Variants in PIK3C2G observed in about 807,000 individuals in gnomAD.
PIK3C2G encodes the protein phosphatidylinositol-4-phosphate 3-kinase catalytic subunit type 2 gamma.
PIK3C2G carries 168 observed loss-of-function variants against 181.1 expected under a neutral mutation model. The ratio of observed to expected loss-of-function variants is 0.93; its 90% confidence interval spans 0.82 to 1.05. The LOEUF (loss-of-function observed/expected upper bound fraction) is 1.05, where lower values mean the gene tolerates loss of function less well. Among genes scored for constraint, PIK3C2G ranks in the 50% least tolerant of loss-of-function variants. The pLI is 0.00. For synonymous variants in PIK3C2G, 573 were observed against 592.2 expected (o/e 0.97, Z 0.47); for missense variants, 1,869 against 1,732.8 (o/e 1.08, Z -1.40).
intron 31 of PIK3C2G, among the ~76,000 whole-genome samples, chr12:18,639,250 A>G (rs1949738719): frequency 6.6e-6 from 1 of 152,138 alleles, no homozygotes; most frequent in Non-Finnish European, 1.5e-5. Context: ...ATTTAGTCCT[A>G]TAATAATATA....
chr12:18,585,745 A>AT (rs908594805), intron 29 of PIK3C2G, among the ~76,000 whole-genome samples: 2 of 152,198 alleles, frequency 1.3e-5, no homozygotes, highest in African/African-American at 4.8e-5. Flanking sequence ...CAGAACATAC[A>AT]TTTTTCTTAT....
the PIK3C2G span, chr12:18,693,230 G>T: frequency 1.9e-6 from 3 of 1,560,866 alleles, no homozygotes; most frequent in South Asian, 2.2e-5. Flanking sequence ...GCTCGGTCAG[G>T]CTCAACCACA....
rs765563747 is a variant in PIK3C2G at position 18,381,829 on chromosome 12, G to C, written c.1944G>C (p.Met648Ile). ...MTLQSEPPVE[M>I]ITPGVWDVSQ... ...TACAGAGTGAGCCTCCCGTAGAAAT[G>C]ATAACTCCAGGAGTGTGGGATGTAA... Residue 648 changes from methionine (M) to isoleucine (I), a missense_variant, in exon 14 of 33, where the codon ATG becomes ATC. Transcript: ENST00000538779. The C allele has an allele frequency of 2.1e-5, 34 of 1,613,844 alleles. No homozygotes were observed. Among genetic ancestry groups the C allele is most frequent in the Non-Finnish European group, 2.7e-5 (32 of 1,179,738 alleles).
At chr12:18,611,933 C>T (rs559051374) in intron 31 of PIK3C2G, among the ~76,000 whole-genome samples, 54 of 152,224 alleles carry the variant, frequency 3.5e-4, no homozygotes, top group South Asian at 1.7e-3. Context: ...TTTAATCTAG[C>T]AGCCTGAATG....
chr12:18,648,130 C>A lies in PIK3C2G; in HGVS notation c.*102C>A. The A allele has an allele frequency of 1.6e-6, 1 of 611,070 alleles. No homozygotes were observed. Among genetic ancestry groups the A allele is most frequent in the Non-Finnish European group, 2.6e-6 (1 of 378,372 alleles). 37.9% of individuals were successfully genotyped at this position (611,070 alleles called of 1,614,324 possible). On this transcript the variant is annotated 3_prime_UTR_variant, in exon 33 of 33. Coordinates refer to ENST00000538779, the MANE Select transcript of PIK3C2G (RefSeq NM_001288772.2). ...AAGGCATCTTTGTTGTCAAAGACAGCACAGGGTATTAAGGACACAGAAAAA... is the reference window on the plus strand; with the variant it reads ...AAGGCATCTTTGTTGTCAAAGACAGAACAGGGTATTAAGGACACAGAAAAA...
chr12:18,373,156 G>A (rs914689951), intron 13 of PIK3C2G, among the ~76,000 whole-genome samples: 5 of 152,194 alleles, frequency 3.3e-5, no homozygotes, highest in African/African-American at 1.2e-4. Context: ...ACTCCACTTT[G>A]TTCGTTGCTT....
intron 31 of PIK3C2G, among the ~76,000 whole-genome samples, chr12:18,623,312 ATCG>A (rs1419420782): frequency 1.3e-5 from 2 of 151,768 alleles, no homozygotes; most frequent in African/African-American, 4.8e-5. Flanking sequence ...TCCTTTTCTC[ATCG>A]TATGTTATTG....
At chr12:18,686,872 T>C in the PIK3C2G span, among the ~76,000 whole-genome samples, 21 of 152,092 alleles carry the variant, frequency 1.4e-4, no homozygotes, top group Admixed American at 7.2e-4. Flanking sequence ...ATGAACCAAA[T>C]TGAATTTCTG....
chr12:18,584,700 C>T (rs1022942424), intron 29 of PIK3C2G, among the ~76,000 whole-genome samples: 1 of 152,018 alleles, frequency 6.6e-6, no homozygotes, highest in Non-Finnish European at 1.5e-5. Context: ...AGGACCCCTG[C>T]AAGATTCTAC....
At chr12:18,401,333 T>A (rs1944239920) in intron 16 of PIK3C2G, among the ~76,000 whole-genome samples, 1 of 152,178 alleles carries the variant, frequency 6.6e-6, no homozygotes, top group African/African-American at 2.4e-5. Context: ...TAACAATTGA[T>A]TGGTTTCATT....
At chr12:18,451,254 A>G (rs1358336089) in intron 18 of PIK3C2G, among the ~76,000 whole-genome samples, 1 of 152,028 alleles carries the variant, frequency 6.6e-6, no homozygotes, top group African/African-American at 2.4e-5. Flanking sequence ...TATTTCCCTG[A>G]GCGGTGGTTT....
At chr12:18,591,903 G>C (rs1000954069) in intron 29 of PIK3C2G, among the ~76,000 whole-genome samples, 61 of 151,976 alleles carry the variant, frequency 4.0e-4, no homozygotes, top group African/African-American at 1.3e-3. Flanking sequence ...ATACCTGGAA[G>C]AAGATGAATA....
chr12:18,431,685 GC>G (rs1374832958), intron 18 of PIK3C2G, among the ~76,000 whole-genome samples: 1 of 152,168 alleles, frequency 6.6e-6, no homozygotes, highest in Non-Finnish European at 1.5e-5. Context: ...TCCATAGGGG[GC>G]TTTAAAGCCT....
chr12:18,290,424 G>T (rs1303297347), intron 3 of PIK3C2G, among the ~76,000 whole-genome samples: 1 of 152,258 alleles, frequency 6.6e-6, no homozygotes, highest in African/African-American at 2.4e-5. Context: ...ACAAGAACAA[G>T]AGAATTTATT....
intron 32 of PIK3C2G, among the ~76,000 whole-genome samples, chr12:18,643,083 A>G (rs745969138): frequency 3.3e-5 from 5 of 152,164 alleles, no homozygotes; most frequent in African/African-American, 4.8e-5. Flanking sequence ...ACAAGAAACC[A>G]CTAACAATTC....
chr12:18,448,829 T>C (rs1202808336), intron 18 of PIK3C2G, among the ~76,000 whole-genome samples: 3 of 151,592 alleles, frequency 2.0e-5, no homozygotes, highest in East Asian at 1.9e-4. Context: ...CACATATATA[T>C]ATAATTGTGG....
At chr12:18,473,751 CT>C (rs1228342075) in intron 18 of PIK3C2G, among the ~76,000 whole-genome samples, 3 of 152,050 alleles carry the variant, frequency 2.0e-5, no homozygotes, top group Non-Finnish European at 4.4e-5. Flanking sequence ...TATATTTATT[CT>C]AATTTTTATT....
chr12:18,574,466 G>GA (rs1176183301), intron 29 of PIK3C2G, among the ~76,000 whole-genome samples: 1 of 152,126 alleles, frequency 6.6e-6, no homozygotes, highest in Non-Finnish European at 1.5e-5. Flanking sequence ...GTGAATAACA[G>GA]AAGCACATGT....
chr12:18,721,003 G>C, the PIK3C2G span, among the ~76,000 whole-genome samples: 1 of 151,950 alleles, frequency 6.6e-6, no homozygotes, highest in Non-Finnish European at 1.5e-5. Flanking sequence ...AATTTTTATA[G>C]GTATACAAAC....
Sources: gnomAD v4.1 joint callset for allele counts (sites outside exome capture counted in the v4.1 genomes callset) on GRCh38, gnomAD v4.1.1 for gene constraint, MANE v1.5 for transcripts, NCBI Gene and HGNC (gene_info 2026-07-23, HGNC 2026-07-21) for gene names.